Variants in MAP2 observed in about 807,000 individuals in gnomAD.
The protein encoded by MAP2 is microtubule associated protein 2.
In MAP2, 14 loss-of-function variants were observed where a neutral mutation model predicts 137.6. That is an observed-to-expected ratio of 0.10 (90% CI 0.07 to 0.16). MAP2 has a LOEUF of 0.16. Ranked by LOEUF, MAP2 falls within the 10% of genes least tolerant of loss-of-function variation. The pLI, the probability that MAP2 is intolerant of heterozygous loss-of-function variation, is 1.00. For synonymous variants in MAP2, 786 were observed against 782.3 expected (o/e 1.00, Z -0.08); for missense variants, 2,088 against 2,191.5 (o/e 0.95, Z 0.94).
rs542109315 is a variant in MAP2 at position 209,608,364 on chromosome 2, C to G, written c.-106-16689C>G. 2.6e-5 allele frequency among the ~76,000 whole-genome samples: 4 copies of G among 152,080 alleles called. No individual in the cohort carries two copies. In the South Asian group the frequency reaches 8.3e-4, roughly 32 times the overall value. On this transcript the variant is annotated intron_variant, in intron 3 of 15. Coordinates refer to ENST00000682079, the MANE Select transcript of MAP2 (RefSeq NM_001375505.1). The stretch of plus-strand genomic sequence containing the variant: ...TGTGCAGTGACACAATCATAGCTCA[C>G]TGCAACCTTGAATTCCTAAGCTCAA...
At chr2:209,621,257 AT>A (rs1186032597) in intron 3 of MAP2, among the ~76,000 whole-genome samples, 3,295 of 125,096 alleles carry the variant, frequency 0.026, 51 homozygotes, top group African/African-American at 0.046. Flanking sequence ...AGGCATCTTG[AT>A]TTTTTTTTTT....
chr2:209,624,584 A>G (rs1279084171), intron 3 of MAP2, among the ~76,000 whole-genome samples: 1 of 152,150 alleles, frequency 6.6e-6, no homozygotes, highest in Non-Finnish European at 1.5e-5. Flanking sequence ...GAGAAAATTT[A>G]ATGAGTTGTT....
intron 1 of MAP2, among the ~76,000 whole-genome samples, chr2:209,462,705 A>T (rs1298611218): frequency 6.6e-6 from 1 of 152,210 alleles, no homozygotes; most frequent in African/African-American, 2.4e-5. Context: ...TAATCTAATT[A>T]GCTATTAAAC....
intron 11 of MAP2, among the ~76,000 whole-genome samples, chr2:209,701,012 TTG>T (rs1162667693): frequency 1.3e-5 from 2 of 152,156 alleles, no homozygotes; most frequent in African/African-American, 4.8e-5. Context: ...TTAGAATTTT[TTG>T]TTGGTATTTT....
rs1553701657 is a variant in MAP2 at position 209,733,492 on chromosome 2, A to ACACACACACACACACACC, written c.*3096_*3097insACACACACACACACACCC. The ACACACACACACACACACC allele has an allele frequency of 3.3e-5, 5 of 150,468 alleles. No individual in the cohort carries two copies. The highest frequency in any genetic ancestry group is 9.8e-5 in the African/African-American group (4 of 40,842). The allele number at this position is 150,468 out of a possible 1,614,324, so 9.3% of individuals were successfully genotyped here. ...CACACACACACACACACACACACACACCTACAGTAATACAGCAAGCGTGGA... is the reference window on the plus strand; with the variant it reads ...CACACACACACACACACACACACACACACACACACACACACACCCCTACAGTAATACAGCAAGCGTGGA... On this transcript the variant is annotated 3_prime_UTR_variant, in exon 16 of 16. Transcript: ENST00000682079.
At chr2:209,445,590 C>A (rs1210302311) in intron 1 of MAP2, among the ~76,000 whole-genome samples, 3 of 151,564 alleles carry the variant, frequency 2.0e-5, no homozygotes, top group Non-Finnish European at 3.0e-5. Context: ...CCTCTGGGCA[C>A]GTAACTAATC....
chr2:209,694,701 G>C lies in MAP2; in HGVS notation c.2531G>C (p.Arg844Pro). The C allele has an allele frequency of 6.2e-7, 1 of 1,614,108 alleles. No homozygotes were observed. The highest frequency in any genetic ancestry group is 8.5e-7 in the Non-Finnish European group (1 of 1,180,000). ...VPSETVVEDS[R>P]TGLPPVTDEN... is the part of the protein sequence containing the mutation. ...TCAGAGACTGTGGTTGAGGATAGTC[G>C]TACTGGCTTGCCCCCGGTAACTGAT... is the stretch of plus-strand genomic sequence containing the variant. The change falls in exon 8 of 16, where the codon CGT (arginine) becomes CCT (proline). Residue 844 changes from arginine (R) to proline (P), a missense_variant. Around this residue, in one of 6 missense-constraint regions of MAP2, gnomAD observed 500 missense variants for 482.9 expected, o/e 1.04. Transcript: ENST00000682079.
chr2:209,596,119 GA>G (rs201713058), intron 3 of MAP2, among the ~76,000 whole-genome samples: 3,303 of 151,062 alleles, frequency 0.022, 40 homozygotes, highest in Non-Finnish European at 0.035. Flanking sequence ...AAAAGAGAAA[GA>G]AAAAAAAGAA....
rs367725345 is a variant in MAP2, at chr2:209,691,080, C to T, written c.455-1545C>T. Among the ~76,000 whole-genome samples the T allele has an allele frequency of 7.2e-5, 11 of 152,294 alleles. No homozygotes were observed. In the South Asian group the frequency reaches 1.7e-3, roughly 23 times the overall value. ...GGTTTTCCTTTGCCATGATACAATA[C>T]GCTTTGCAGCCAGGCTGATGATGCT... On this transcript the variant is annotated intron_variant, in intron 7 of 15. Coordinates refer to ENST00000682079, the MANE Select transcript of MAP2 (RefSeq NM_001375505.1).
At chr2:209,494,838 G>T (rs1364652982) in intron 1 of MAP2, among the ~76,000 whole-genome samples, 8 of 152,144 alleles carry the variant, frequency 5.3e-5, no homozygotes, top group African/African-American at 1.7e-4. Flanking sequence ...TTTATCATTG[G>T]TTTTCAGGTT....
intron 1 of MAP2, among the ~76,000 whole-genome samples, chr2:209,454,486 C>T (rs2149516883): frequency 6.6e-6 from 1 of 152,102 alleles, no homozygotes; most frequent in South Asian, 2.1e-4. Context: ...GAGGCACCCA[C>T]CACCATGCCC....
chr2:209,540,571 C>T (rs1463890858), intron 2 of MAP2, among the ~76,000 whole-genome samples: 10 of 115,962 alleles, frequency 8.6e-5, no homozygotes, highest in African/African-American at 3.8e-4. Flanking sequence ...GCGGAGGTTG[C>T]AGTGAGCTGA....
chr2:209,685,988 A>G (rs2056873235), intron 7 of MAP2, among the ~76,000 whole-genome samples: 1 of 152,198 alleles, frequency 6.6e-6, no homozygotes, highest in Non-Finnish European at 1.5e-5. Flanking sequence ...TTTATTGATC[A>G]TGAAAGTACC....
chr2:209,640,846 G>A (rs1008432405), intron 4 of MAP2, among the ~76,000 whole-genome samples: 25 of 146,058 alleles, frequency 1.7e-4, no homozygotes, highest in African/African-American at 6.3e-4. Context: ...TTGAATTTAT[G>A]TTCTAATACA....
chr2:209,599,838 T>C (rs1240410119), intron 3 of MAP2, among the ~76,000 whole-genome samples: 1 of 152,104 alleles, frequency 6.6e-6, no homozygotes, highest in African/African-American at 2.4e-5. Flanking sequence ...ATATTGGAAA[T>C]TTACCACGCC....
chr2:209,596,964 G>A (rs1345664105), intron 3 of MAP2, among the ~76,000 whole-genome samples: 2 of 152,120 alleles, frequency 1.3e-5, no homozygotes, highest in African/African-American at 4.8e-5. Flanking sequence ...ATGGGTAGTT[G>A]GCCATTCAGA....
At chr2:209,447,756 C>T (rs1003536594) in intron 1 of MAP2, among the ~76,000 whole-genome samples, 2 of 151,908 alleles carry the variant, frequency 1.3e-5, no homozygotes, top group African/African-American at 4.8e-5. Flanking sequence ...ATCAGTACTT[C>T]CAAATAAGAG....
At chr2:209,459,404 T>C (rs116731869) in intron 1 of MAP2, among the ~76,000 whole-genome samples, 3,458 of 152,222 alleles carry the variant, frequency 0.023, 137 homozygotes, top group African/African-American at 0.079. Flanking sequence ...GGAACTTACT[T>C]TTTCTCCATA....
intron 13 of MAP2, chr2:209,710,502 A>C: frequency 2.3e-6 from 1 of 434,010 alleles, no homozygotes; most frequent in Non-Finnish European, 4.1e-6. Context: ...TGATTGACTA[A>C]CTTTTTTTTT....
Sources: allele counts gnomAD v4.1 joint callset (sites outside exome capture counted in the v4.1 genomes callset), GRCh38; gene constraint gnomAD v4.1.1; regional missense constraint gnomAD v4.1.1; transcripts MANE v1.5; gene names NCBI Gene and HGNC (gene_info 2026-07-23, HGNC 2026-07-21).